CSNK2A2: variants seen among roughly 807,000 people sequenced by gnomAD.
The protein encoded by CSNK2A2 is casein kinase 2 alpha 2.
Under a neutral mutation model 54.0 loss-of-function variants are expected in CSNK2A2, and 8 were observed. The ratio of observed to expected loss-of-function variants is 0.15; its 90% CI spans 0.09 to 0.27. CSNK2A2 has a LOEUF of 0.27. Among genes scored for constraint, CSNK2A2 ranks in the 10% least tolerant of loss-of-function variants. The pLI, the probability that CSNK2A2 is intolerant of heterozygous loss-of-function variation, is 1.00. For missense variants in CSNK2A2, 242 were observed against 439.4 expected (o/e 0.55, Z 4.02); for synonymous variants, 141 against 153.9 (o/e 0.92, Z 0.62).
chr16:58,179,758 C>T (rs952915653), intron 4 of CSNK2A2, among the ~76,000 whole-genome samples: 40 of 152,114 alleles, frequency 2.6e-4, no homozygotes, highest in African/African-American at 9.4e-4. Flanking sequence ...TAGGGTTGTA[C>T]AAACTTAAGC....
At chr16:58,160,717 A>C (rs1430073021) in intron 11 of CSNK2A2, 1 of 152,220 alleles carries the variant, frequency 6.6e-6, no homozygotes, top group Non-Finnish European at 1.5e-5. Flanking sequence ...TCAAGAAGTT[A>C]ATTTCCTCCT....
Position 58,196,855 on chromosome 16 carries a change from A to C in CSNK2A2, c.105-11T>G, listed in dbSNP as rs1374350833. The C allele has an allele frequency of 1.3e-6, 2 of 1,538,530 alleles. No homozygotes were observed. The highest frequency in any genetic ancestry group is 3.3e-5 in the Admixed American group (2 of 59,936). On this transcript the variant is annotated splice_polypyrimidine_tract_variant and intron_variant, in intron 1 of 11. Coordinates refer to ENST00000262506, the MANE Select transcript of CSNK2A2 (RefSeq NM_001896.4). ...TAATCATCTTGATTACTGTAAAAGG[A>C]AGACACACACATAAATGCCAGGACT...
chr16:58,182,683 C>T (rs915562654), intron 4 of CSNK2A2, among the ~76,000 whole-genome samples: 4 of 152,118 alleles, frequency 2.6e-5, no homozygotes, highest in African/African-American at 9.7e-5. Flanking sequence ...CTACGAACTT[C>T]CATTCAGATA....
intron 4 of CSNK2A2, among the ~76,000 whole-genome samples, chr16:58,183,928 G>A (rs999649725): frequency 2.6e-5 from 4 of 151,938 alleles, no homozygotes; most frequent in Non-Finnish European, 5.9e-5. Context: ...CCTTCCTCTC[G>A]GCAAAGTAAG....
intron 5 of CSNK2A2, 37 bp downstream of exon 5, chr16:58,174,414 G>A (rs758408049): frequency 7.1e-7 from 1 of 1,417,196 alleles, no homozygotes. Context: ...TAATGAACAG[G>A]CCTGAAAAAA....
At chr16:58,189,321 T>C (rs902517529) in intron 2 of CSNK2A2, among the ~76,000 whole-genome samples, 2 of 152,190 alleles carry the variant, frequency 1.3e-5, no homozygotes, top group East Asian at 3.8e-4. Context: ...CCTTTCGATA[T>C]AAGAAAATTC....
At chr16:58,185,887 G>GA (rs747482757) in intron 3 of CSNK2A2, among the ~76,000 whole-genome samples, 3 of 152,260 alleles carry the variant, frequency 2.0e-5, no homozygotes, top group Non-Finnish European at 4.4e-5. Flanking sequence ...TGTGAAGACT[G>GA]AGTGACATGG....
At chr16:58,180,345 G>A (rs1283277521) in intron 4 of CSNK2A2, among the ~76,000 whole-genome samples, 2 of 148,912 alleles carry the variant, frequency 1.3e-5, no homozygotes, top group African/African-American at 4.9e-5. Context: ...AAATGTGAAG[G>A]AAAGGATAAC....
intron 4 of CSNK2A2, among the ~76,000 whole-genome samples, chr16:58,176,680 T>A (rs563930085): frequency 6.6e-6 from 1 of 152,252 alleles, no homozygotes; most frequent in East Asian, 1.9e-4. Context: ...CTAGCCCTAC[T>A]CCACCTTAGC....
At chr16:58,166,320 T>C (rs1334826438) in intron 9 of CSNK2A2, among the ~76,000 whole-genome samples, 1 of 152,216 alleles carries the variant, frequency 6.6e-6, no homozygotes, top group Non-Finnish European at 1.5e-5. Context: ...AAAATAAGCT[T>C]TTGCTGTACC....
chr16:58,166,759 G>GA lies in CSNK2A2; in HGVS notation c.727-76dup, dbSNP rs1961573962. 16 of 1,025,016 alleles carry GA rather than the reference G, an allele frequency of 1.6e-5. No individual in the cohort carries two copies. In the South Asian group the frequency reaches 2.1e-4, roughly 14 times the overall value. 63.5% of individuals were successfully genotyped at this position (1,025,016 alleles called of 1,614,324 possible). ...GAGCCCGTGAGGACACTGCACCAAG[G>GA]AATCAGAAGACTTCCACACCACTAA... On this transcript the variant is annotated intron_variant, in intron 8 of 11. Transcript: ENST00000262506.
chr16:58,183,137 A>G (rs1181259219), intron 4 of CSNK2A2, among the ~76,000 whole-genome samples: 1 of 152,062 alleles, frequency 6.6e-6, no homozygotes, highest in African/African-American at 2.4e-5. Context: ...AGGTGGGTGG[A>G]TCACCTGAGG....
chr16:58,181,893 A>G (rs1962052356), intron 4 of CSNK2A2, among the ~76,000 whole-genome samples: 1 of 152,194 alleles, frequency 6.6e-6, no homozygotes, highest in Non-Finnish European at 1.5e-5. Flanking sequence ...AAGCTTCCAG[A>G]GGTAAAAAAC....
At chr16:58,163,253 C>CAAAAAAAAAAAAAAAAAAAA (rs55808367) in intron 11 of CSNK2A2, 30 of 66,562 alleles carry the variant, frequency 4.5e-4, no homozygotes, top group East Asian at 8.5e-4. Context: ...ACAAGGCTGC[C>CAAAAAAAAAAAAAAAAAAAA]AAAAAAAAAA....
chr16:58,169,245 GA>G (rs1241806379), intron 5 of CSNK2A2, among the ~76,000 whole-genome samples: 2 of 151,770 alleles, frequency 1.3e-5, no homozygotes, highest in African/African-American at 4.8e-5. Flanking sequence ...TTCTTTAAAA[GA>G]GGGGGTGATG....
At chr16:58,164,560 C>T (rs898623106) in intron 10 of CSNK2A2, among the ~76,000 whole-genome samples, 1 of 152,030 alleles carries the variant, frequency 6.6e-6, no homozygotes, top group South Asian at 2.1e-4. Flanking sequence ...TTTAAGCAAC[C>T]GTAGTTTGAA....
intron 4 of CSNK2A2, among the ~76,000 whole-genome samples, chr16:58,176,185 G>T (rs1961873349): frequency 6.6e-6 from 1 of 152,134 alleles, no homozygotes; most frequent in South Asian, 2.1e-4. Flanking sequence ...AAAGAGAAAA[G>T]ATCTAATTTT....
intron 2 of CSNK2A2, among the ~76,000 whole-genome samples, chr16:58,189,753 T>C (rs1474503653): frequency 2.0e-5 from 3 of 151,998 alleles, no homozygotes; most frequent in Non-Finnish European, 4.4e-5. Context: ...GCAAACAAAA[T>C]ACCAAGAAAT....
chr16:58,171,857 A>G (rs899931259), intron 5 of CSNK2A2, among the ~76,000 whole-genome samples: 2 of 149,588 alleles, frequency 1.3e-5, no homozygotes, highest in Non-Finnish European at 3.0e-5. Context: ...GCATGATCTC[A>G]GCTCACTGCA....
Sources: allele counts gnomAD v4.1 joint callset (sites outside exome capture counted in the v4.1 genomes callset), GRCh38; gene constraint gnomAD v4.1.1; transcripts MANE v1.5; gene names NCBI Gene and HGNC (gene_info 2026-07-23, HGNC 2026-07-21).